Variants in CAMK4 observed in about 807,000 individuals in gnomAD.
The protein encoded by CAMK4 is calcium/calmodulin dependent protein kinase IV.
In CAMK4, 22 loss-of-function variants were observed where a neutral mutation model predicts 44.9. The observed-to-expected ratio is 0.49, with a 90% CI of 0.35 to 0.70. The LOEUF is 0.70. Among genes scored for constraint, CAMK4 ranks in the 30% least tolerant of loss-of-function variants. CAMK4 has a pLI of 0.01. For missense variants in CAMK4, 498 were observed against 586.8 expected, an observed-to-expected ratio of 0.85 and a Z score of 1.56; for synonymous variants, 218 against 215.4, an observed-to-expected ratio of 1.01 and a Z score of -0.11.
chr5:111,322,113 A>T (rs2112697053), intron 1 of CAMK4, among the ~76,000 whole-genome samples: 1 of 152,222 alleles, frequency 6.6e-6, no homozygotes, highest in African/African-American at 2.4e-5. Context: ...AGAAATGGGC[A>T]ATAAAGGGCT....
chr5:111,373,957 A>G (rs1751112825), intron 2 of CAMK4, among the ~76,000 whole-genome samples: 2 of 152,180 alleles, frequency 1.3e-5, no homozygotes, highest in Non-Finnish European at 2.9e-5. Flanking sequence ...TCACTGGGCT[A>G]GAGAGAATAT....
At chr5:111,446,301 T>C (rs1045334036) in intron 5 of CAMK4, among the ~76,000 whole-genome samples, 6 of 152,220 alleles carry the variant, frequency 3.9e-5, no homozygotes, top group African/African-American at 1.4e-4. Flanking sequence ...GTTTATAAGA[T>C]CACACATCCA....
intron 5 of CAMK4, among the ~76,000 whole-genome samples, chr5:111,431,039 C>CA (rs1488292908): frequency 6.6e-6 from 1 of 151,810 alleles, no homozygotes; most frequent in Admixed American, 6.6e-5. Flanking sequence ...AAACAAAAAA[C>CA]AAAAAAACCA....
Position 111,494,032 on chromosome 5 carries a change from C to G in CAMK4, c.*9566C>G, listed in dbSNP as rs1580831123. ...ACATTATCTGGATGTGTTTTCTAGT[C>G]TTTCCTAAAGGAGAAATTTTTATTC... On this transcript the variant is annotated 3_prime_UTR_variant, in exon 11 of 11. Coordinates refer to ENST00000282356, the MANE Select transcript of CAMK4 (RefSeq NM_001744.6). 1 of 152,152 alleles carries G rather than the reference C, an allele frequency of 6.6e-6. No individual in the cohort carries two copies. The highest frequency in any genetic ancestry group is 1.5e-5 in the Non-Finnish European group (1 of 68,022). 9.4% of individuals were successfully genotyped at this position (152,152 alleles called of 1,614,324 possible). A position where few individuals can be genotyped will look rare whatever the true frequency, so the allele number is the denominator to read the frequency against.
chr5:111,255,656 A>G (rs1749707802), intron 1 of CAMK4, among the ~76,000 whole-genome samples: 2 of 152,168 alleles, frequency 1.3e-5, no homozygotes, highest in African/African-American at 4.8e-5. Flanking sequence ...CAGCAGCTGA[A>G]TTGTGTGTTT....
chr5:111,433,421 C>T (rs1753531822), intron 5 of CAMK4, among the ~76,000 whole-genome samples: 1 of 152,150 alleles, frequency 6.6e-6, no homozygotes, highest in South Asian at 2.1e-4. Flanking sequence ...TTAGGATAGT[C>T]ATGCATTTTA....
At chr5:111,279,299 A>G (rs929032399) in intron 1 of CAMK4, among the ~76,000 whole-genome samples, 3 of 152,146 alleles carry the variant, frequency 2.0e-5, no homozygotes, top group Non-Finnish European at 4.4e-5. Context: ...ACTGTAGTTC[A>G]ATTTGAGAAA....
At chr5:111,377,981 G>A (rs758990512) in intron 4 of CAMK4, among the ~76,000 whole-genome samples, 46 of 152,074 alleles carry the variant, frequency 3.0e-4, no homozygotes, top group African/African-American at 9.7e-4. Context: ...TTTTGAATGC[G>A]TTGAGAGAGG....
intron 5 of CAMK4, among the ~76,000 whole-genome samples, chr5:111,444,422 C>G (rs929249304): frequency 6.6e-6 from 1 of 152,190 alleles, no homozygotes; most frequent in Non-Finnish European, 1.5e-5. Context: ...CCCTCACACT[C>G]TGCTTTCTGT....
At chr5:111,241,958 T>C (rs1749010871) in intron 1 of CAMK4, among the ~76,000 whole-genome samples, 2 of 152,220 alleles carry the variant, frequency 1.3e-5, no homozygotes, top group Admixed American at 6.5e-5. Flanking sequence ...TTTCTGTGTA[T>C]GTCTTGTTGG....
At chr5:111,245,421 T>A (rs972215262) in intron 1 of CAMK4, among the ~76,000 whole-genome samples, 3 of 152,220 alleles carry the variant, frequency 2.0e-5, no homozygotes, top group African/African-American at 7.2e-5. Context: ...GCAAGTGTTG[T>A]CTTTTATTCA....
intron 1 of CAMK4, among the ~76,000 whole-genome samples, chr5:111,260,500 T>C (rs534478273): frequency 2.0e-5 from 3 of 152,278 alleles, no homozygotes; most frequent in Admixed American, 1.3e-4. Flanking sequence ...GCCTCTTGTC[T>C]CTTGTCTTCC....
intron 5 of CAMK4, among the ~76,000 whole-genome samples, chr5:111,400,203 T>A (rs567660004): frequency 7.2e-5 from 11 of 152,144 alleles, no homozygotes; most frequent in Non-Finnish European, 1.6e-4. Context: ...AAAAGAAGCT[T>A]TATAAAAATC....
At chr5:111,397,060 A>C (rs573883955) in intron 5 of CAMK4, among the ~76,000 whole-genome samples, 2 of 152,312 alleles carry the variant, frequency 1.3e-5, no homozygotes, top group South Asian at 4.1e-4. Flanking sequence ...CCATTTTAAA[A>C]CCTCATTTCT....
At chr5:111,429,777 C>CAAAAAAAAAAAAAAA (rs70973607) in intron 5 of CAMK4, among the ~76,000 whole-genome samples, 3 of 26,352 alleles carry the variant, frequency 1.1e-4, no homozygotes, top group African/African-American at 4.3e-4. Flanking sequence ...GACCTCATCT[C>CAAAAAAAAAAAAAAA]AAAAAAAAAA....
chr5:111,434,207 C>A (rs542987762), intron 5 of CAMK4, among the ~76,000 whole-genome samples: 4 of 150,844 alleles, frequency 2.7e-5, no homozygotes, highest in African/African-American at 9.7e-5. Context: ...GCAGGAGAAT[C>A]GCTTGAATCT....
At chr5:111,315,614 A>G (rs1041892726) in intron 1 of CAMK4, among the ~76,000 whole-genome samples, 3 of 152,138 alleles carry the variant, frequency 2.0e-5, no homozygotes, top group African/African-American at 7.2e-5. Context: ...TTGTATATAA[A>G]GGAACTCTAA....
intron 5 of CAMK4, among the ~76,000 whole-genome samples, chr5:111,440,346 C>G (rs1753781480): frequency 6.6e-6 from 1 of 152,192 alleles, no homozygotes; most frequent in African/African-American, 2.4e-5. Flanking sequence ...GGAAGTGCAA[C>G]TGTTTATCAA....
chr5:111,376,986 G>A (rs1478362002), intron 4 of CAMK4, 44 bp downstream of exon 4: 1 of 1,259,812 alleles, frequency 7.9e-7, no homozygotes, highest in Non-Finnish European at 1.1e-6. Context: ...GTTTGCTTTT[G>A]GCCACCAAAA....
Sources: allele counts gnomAD v4.1 joint callset (sites outside exome capture counted in the v4.1 genomes callset), GRCh38; gene constraint gnomAD v4.1.1; transcripts MANE v1.5; gene names NCBI Gene and HGNC (gene_info 2026-07-23, HGNC 2026-07-21).